Variants in BLNK observed in about 807,000 individuals in gnomAD.
BLNK encodes the protein B cell linker.
A neutral mutation model predicts 73.5 loss-of-function variants in BLNK; 29 were observed. The ratio of observed to expected loss-of-function variants is 0.39; its 90% CI spans 0.29 to 0.54. The LOEUF (loss-of-function observed/expected upper bound fraction) is 0.54, where lower values mean the gene tolerates loss of function less well. BLNK is among the 20% of genes least tolerant of loss of function. The pLI, the probability that BLNK is intolerant of heterozygous loss-of-function variation, is 0.61. For synonymous variants in BLNK, 176 were observed against 200.8 expected (o/e 0.88, Z 1.04); for missense variants, 460 against 562.8 (o/e 0.82, Z 1.85).
At chr10:96,199,834 G>A in intron 15 of BLNK, 2 of 246,862 alleles carry the variant, frequency 8.1e-6, no homozygotes, top group Non-Finnish European at 7.8e-6. Flanking sequence ...GAGCAGCCTG[G>A]CCAACATGGT....
intron 13 of BLNK, chr10:96,203,809 G>C: frequency 2.9e-6 from 1 of 347,770 alleles, no homozygotes; most frequent in African/African-American, 2.1e-5. Flanking sequence ...AAAAAAGGAT[G>C]CATGATCAGT....
At chr10:96,199,119 A>C (rs1463150930) in intron 15 of BLNK, among the ~76,000 whole-genome samples, 1 of 152,246 alleles carries the variant, frequency 6.6e-6, no homozygotes, top group Non-Finnish European at 1.5e-5. Flanking sequence ...CCACCAAAGG[A>C]CTGACGGAAC....
At chr10:96,204,955 A>C in intron 11 of BLNK, 1 of 338,244 alleles carries the variant, frequency 3.0e-6, no homozygotes, top group South Asian at 2.4e-5. Context: ...GCCACCCTCT[A>C]AACAACTCAC....
intron 1 of BLNK, among the ~76,000 whole-genome samples, chr10:96,266,455 T>A (rs539997133): frequency 2.6e-5 from 4 of 152,336 alleles, no homozygotes; most frequent in Non-Finnish European, 5.9e-5. Flanking sequence ...AGCACAGCCA[T>A]GCCCAGAGTG....
chr10:96,192,740 C>A (rs2083360245), intron 16 of BLNK, among the ~76,000 whole-genome samples: 1 of 151,978 alleles, frequency 6.6e-6, no homozygotes, highest in Non-Finnish European at 1.5e-5. Context: ...AAAATTATCA[C>A]AAATTTTGTT....
intron 3 of BLNK, among the ~76,000 whole-genome samples, chr10:96,234,252 A>G (rs1842615805): frequency 6.6e-6 from 1 of 152,254 alleles, no homozygotes; most frequent in South Asian, 2.1e-4. Flanking sequence ...AGAGAAAAGC[A>G]TCATACAGTA....
rs587664623 is a variant in BLNK, at chr10:96,193,116, T to A, written c.1252-1024A>T. 3.3e-5 allele frequency among the ~76,000 whole-genome samples: 5 copies of A among 152,352 alleles called. No homozygotes were observed. The South Asian group carries it at 1.0e-3, about 32-fold the overall frequency. On this transcript the variant is annotated intron_variant, in intron 16 of 16. Coordinates refer to ENST00000224337, the MANE Select transcript of BLNK (RefSeq NM_013314.4). ...TTTAGATAATTGGCTAGCTGAATAT[T>A]CAGTCAGGGAGAGAGGTAAGAGACA...
At chr10:96,271,145 A>G (rs1353632889) in intron 1 of BLNK, among the ~76,000 whole-genome samples, 2 of 152,102 alleles carry the variant, frequency 1.3e-5, no homozygotes, top group African/African-American at 4.8e-5. Flanking sequence ...TCTTGTTCCT[A>G]CACATTTCTT....
At chr10:96,209,120 C>T (rs587598793) in intron 9 of BLNK, among the ~76,000 whole-genome samples, 1 of 151,374 alleles carries the variant, frequency 6.6e-6, no homozygotes, top group African/African-American at 2.5e-5. Flanking sequence ...GAAAGAATGA[C>T]TGTCACTTTC....
At chr10:96,261,966 T>C (rs1554912997) in intron 1 of BLNK, among the ~76,000 whole-genome samples, 1 of 152,192 alleles carries the variant, frequency 6.6e-6, no homozygotes. Context: ...AGGTACGAGC[T>C]CAGACTTTCT....
At chr10:96,207,581 A>G (rs1184876300) in intron 10 of BLNK, among the ~76,000 whole-genome samples, 1 of 152,252 alleles carries the variant, frequency 6.6e-6, no homozygotes, top group African/African-American at 2.4e-5. Context: ...GAGTGGACAC[A>G]GACGCTTCCT....
At chr10:96,209,443 G>C (rs1386533347) in intron 9 of BLNK, among the ~76,000 whole-genome samples, 1 of 151,988 alleles carries the variant, frequency 6.6e-6, no homozygotes, top group Non-Finnish European at 1.5e-5. Flanking sequence ...TGTTGCCCAG[G>C]CTGGAGTGCA....
chr10:96,251,535 A>G (rs1055077539), intron 1 of BLNK, among the ~76,000 whole-genome samples: 5 of 152,194 alleles, frequency 3.3e-5, no homozygotes, highest in Admixed American at 6.5e-5. Flanking sequence ...TGGTGGGGAG[A>G]TGGATAATAA....
intron 2 of BLNK, 121 bp downstream of exon 2, chr10:96,246,863 A>AAGGG: frequency 1.4e-6 from 1 of 694,084 alleles, no homozygotes; most frequent in East Asian, 2.8e-5. Context: ...ATAGTAAAGA[A>AAGGG]GGGTTACGTG....
intron 4 of BLNK, among the ~76,000 whole-genome samples, chr10:96,229,765 C>T (rs1554903600): frequency 6.6e-6 from 1 of 151,950 alleles, no homozygotes; most frequent in East Asian, 1.9e-4. Flanking sequence ...TGCTGGGCCC[C>T]AGGAGGAGCT....
intron 1 of BLNK, among the ~76,000 whole-genome samples, chr10:96,259,159 CTT>C (rs1554911979): frequency 6.6e-6 from 1 of 152,218 alleles, no homozygotes; most frequent in East Asian, 1.9e-4. Flanking sequence ...TACGTTGCCT[CTT>C]TGGATACCTT....
rs587653283 is a variant in BLNK at position 96,221,915 on chromosome 10, A to G, written c.525+1911T>C. 1.8e-4 allele frequency among the ~76,000 whole-genome samples: 28 copies of G among 152,250 alleles called. No homozygotes were observed. The East Asian group carries it at 5.0e-3, about 27-fold the overall frequency. On this transcript the variant is annotated intron_variant, in intron 6 of 16. Coordinates refer to ENST00000224337, the MANE Select transcript of BLNK (RefSeq NM_013314.4). ...GTATGCATTGTGGGAGCTATGACAA[A>G]TCAAAAAAGAGACCAGGATTCACAG...
At chr10:96,251,821 T>C (rs745736625) in intron 1 of BLNK, among the ~76,000 whole-genome samples, 5 of 152,174 alleles carry the variant, frequency 3.3e-5, no homozygotes, top group African/African-American at 4.8e-5. Context: ...TGTAGTAGTG[T>C]GACCCTGGGT....
At chr10:96,238,556 C>A (rs941084448) in intron 3 of BLNK, among the ~76,000 whole-genome samples, 15 of 152,172 alleles carry the variant, frequency 9.9e-5, no homozygotes, top group Non-Finnish European at 2.9e-5. Flanking sequence ...TCAGGAGGAG[C>A]TCTCAGGGCT....
Sources: allele counts gnomAD v4.1 joint callset (sites outside exome capture counted in the v4.1 genomes callset), GRCh38; gene constraint gnomAD v4.1.1; transcripts MANE v1.5; gene names NCBI Gene and HGNC (gene_info 2026-07-23, HGNC 2026-07-21).